NFIB: variants seen among roughly 807,000 people sequenced by gnomAD.
The protein encoded by NFIB is nuclear factor I B, also known as nuclear factor 1 B-type.
A neutral mutation model predicts 61.5 loss-of-function variants in NFIB; 11 were observed. The ratio of observed to expected loss-of-function variants is 0.18; its 90% CI spans 0.11 to 0.30. NFIB has a LOEUF of 0.30. Ranked by LOEUF, NFIB falls within the 10% of genes least tolerant of loss-of-function variation. The pLI is 1.00. For synonymous variants in NFIB, 260 were observed against 216.5 expected (o/e 1.20, Z -1.76); for missense variants, 471 against 608.9 (o/e 0.77, Z 2.38).
At chr9:14,309,437 C>T (rs1430660803) in intron 1 of NFIB, among the ~76,000 whole-genome samples, 3 of 152,152 alleles carry the variant, frequency 2.0e-5, no homozygotes, top group African/African-American at 7.2e-5. Flanking sequence ...AATTTTATAA[C>T]AATACAGAAT....
At chr9:14,384,120 T>C (rs1350198103) in intron 1 of NFIB, among the ~76,000 whole-genome samples, 2 of 152,282 alleles carry the variant, frequency 1.3e-5, no homozygotes, top group East Asian at 1.9e-4. Context: ...CCTTGTGTGG[T>C]TGGCATTTGG....
chr9:14,173,770 A>G (rs1353347076), intron 3 of NFIB, among the ~76,000 whole-genome samples: 2 of 152,220 alleles, frequency 1.3e-5, no homozygotes, highest in Non-Finnish European at 2.9e-5. Context: ...TTGTTATCTG[A>G]TAGAGTAGGT....
At chr9:14,427,937 GTTTTTT>G in the NFIB span, among the ~76,000 whole-genome samples, 48 of 43,406 alleles carry the variant, frequency 1.1e-3, no homozygotes, top group East Asian at 3.2e-3. Context: ...TAATTCAGTT[GTTTTTT>G]TTTTTTTTTT....
chr9:14,358,603 A>G (rs1244039987), intron 1 of NFIB, among the ~76,000 whole-genome samples: 1 of 152,176 alleles, frequency 6.6e-6, no homozygotes, highest in Non-Finnish European at 1.5e-5. Flanking sequence ...TGTCTTCCCA[A>G]TGTTACTTTC....
chr9:14,122,816 G>A (rs377403904), intron 7 of NFIB, among the ~76,000 whole-genome samples: 2 of 152,126 alleles, frequency 1.3e-5, no homozygotes, highest in South Asian at 2.1e-4. Context: ...AATCAAACCC[G>A]AACTCACATC....
chr9:14,308,995 T>C (rs2060159876), intron 1 of NFIB, among the ~76,000 whole-genome samples: 1 of 152,188 alleles, frequency 6.6e-6, no homozygotes, highest in Non-Finnish European at 1.5e-5. Context: ...ATGTACGCAA[T>C]AAGCCAAGAT....
chr9:14,128,126 T>C (rs993978434), intron 6 of NFIB, among the ~76,000 whole-genome samples: 2 of 152,098 alleles, frequency 1.3e-5, no homozygotes, highest in Non-Finnish European at 2.9e-5. Context: ...ACTACAAATA[T>C]AGGCCTCTAA....
chr9:14,186,203 A>G (rs908221687), intron 2 of NFIB, among the ~76,000 whole-genome samples: 1 of 152,198 alleles, frequency 6.6e-6, no homozygotes, highest in Admixed American at 6.5e-5. Flanking sequence ...TATAGCTTTT[A>G]TATCAAGGGA....
At chr9:14,320,752 A>G (rs2132814655) in intron 1 of NFIB, among the ~76,000 whole-genome samples, 1 of 152,290 alleles carries the variant, frequency 6.6e-6, no homozygotes, top group Non-Finnish European at 1.5e-5. Context: ...TGCGTGTGTT[A>G]CTTTCTGGAC....
At chr9:14,219,934 G>A (rs1430841455) in intron 2 of NFIB, among the ~76,000 whole-genome samples, 3 of 152,098 alleles carry the variant, frequency 2.0e-5, no homozygotes, top group Non-Finnish European at 4.4e-5. Context: ...CCATCCCTGG[G>A]AAAATGAAGA....
intron 3 of NFIB, among the ~76,000 whole-genome samples, chr9:14,157,224 G>A (rs911977126): frequency 2.0e-5 from 3 of 152,078 alleles, no homozygotes. Context: ...ACCGAATTAC[G>A]CACACTGGCC....
At chr9:14,492,774 C>A in the NFIB span, among the ~76,000 whole-genome samples, 1 of 152,098 alleles carries the variant, frequency 6.6e-6, no homozygotes, top group Non-Finnish European at 1.5e-5. Context: ...AGAACACAGA[C>A]CCAAACCATA....
chr9:14,094,390 T>A (rs568340732), intron 10 of NFIB: 1 of 152,250 alleles, frequency 6.6e-6, no homozygotes, highest in South Asian at 2.1e-4. Context: ...TATTTGCTTT[T>A]GTCTTACATA....
At chr9:14,234,551 G>C (rs1221805966) in intron 2 of NFIB, among the ~76,000 whole-genome samples, 2 of 151,880 alleles carry the variant, frequency 1.3e-5, no homozygotes, top group African/African-American at 4.8e-5. Context: ...TGTATTTTTA[G>C]TAGAGACAGG....
chr9:14,246,083 A>C (rs1348830948), intron 2 of NFIB, among the ~76,000 whole-genome samples: 1 of 151,520 alleles, frequency 6.6e-6, no homozygotes, highest in East Asian at 1.9e-4. Flanking sequence ...CCTGAGAATT[A>C]GAGAGGAAAA....
chr9:14,097,063 C>T (rs889922702), intron 10 of NFIB, among the ~76,000 whole-genome samples: 2 of 152,054 alleles, frequency 1.3e-5, no homozygotes, highest in Non-Finnish European at 2.9e-5. Context: ...GTTGTGCGTC[C>T]GTGAAAACCA....
At chr9:14,409,003 G>A in the NFIB span, among the ~76,000 whole-genome samples, 276 of 152,220 alleles carry the variant, frequency 1.8e-3, 3 homozygotes, top group Middle Eastern at 0.014. Context: ...TTTAAGTACT[G>A]CCAAGAAATT....
intron 6 of NFIB, among the ~76,000 whole-genome samples, chr9:14,130,162 G>A (rs1301385578): frequency 1.3e-5 from 2 of 151,908 alleles, no homozygotes; most frequent in East Asian, 3.9e-4. Context: ...CCTCTCCATG[G>A]CACTTTATAA....
At chr9:14,131,890 A>T (rs2040447820) in intron 6 of NFIB, among the ~76,000 whole-genome samples, 1 of 152,028 alleles carries the variant, frequency 6.6e-6, no homozygotes, top group Non-Finnish European at 1.5e-5. Flanking sequence ...GCAAGCTCAA[A>T]CAGCACCTTA....
Sources: allele counts gnomAD v4.1 joint callset (sites outside exome capture counted in the v4.1 genomes callset), GRCh38; gene constraint gnomAD v4.1.1; transcripts MANE v1.5; gene names NCBI Gene and HGNC (gene_info 2026-07-23, HGNC 2026-07-21).